ATP13A5: variants seen among roughly 807,000 people sequenced by gnomAD.
ATP13A5 encodes the protein probable cation-transporting ATPase 13A5.
In ATP13A5, 149 loss-of-function variants were observed where a neutral mutation model predicts 150.2. The observed-to-expected ratio is 0.99, with a 90% CI of 0.87 to 1.14. The LOEUF is 1.14. ATP13A5 is among the 50% of genes most tolerant of loss of function. ATP13A5 has a pLI of 0.00. For synonymous variants in ATP13A5, 497 were observed against 522.2 expected (o/e 0.95, Z 0.66); for missense variants, 1,383 against 1,449.3 (o/e 0.95, Z 0.74).
At chr3:193,293,811 A>T (rs1259371075) in intron 25 of ATP13A5, among the ~76,000 whole-genome samples, 1 of 152,094 alleles carries the variant, frequency 6.6e-6, no homozygotes. Flanking sequence ...GGGGACCAAG[A>T]CCCAGAAAAG....
At chr3:193,332,270 A>G (rs1160942585) in intron 11 of ATP13A5, among the ~76,000 whole-genome samples, 3 of 152,156 alleles carry the variant, frequency 2.0e-5, no homozygotes, top group African/African-American at 7.2e-5. Flanking sequence ...TTGCCTTCCA[A>G]CCATGACTGT....
chr3:193,350,212 G>A (rs923589592), intron 7 of ATP13A5, among the ~76,000 whole-genome samples: 13 of 151,592 alleles, frequency 8.6e-5, no homozygotes, highest in Admixed American at 5.3e-4. Context: ...ATATAAGCTG[G>A]TATATATATA....
chr3:193,373,068 C>T (rs989893010), intron 1 of ATP13A5, among the ~76,000 whole-genome samples: 4 of 152,056 alleles, frequency 2.6e-5, no homozygotes, highest in Non-Finnish European at 4.4e-5. Flanking sequence ...TATTGGAGGA[C>T]AACCTTGTGT....
intron 5 of ATP13A5, among the ~76,000 whole-genome samples, chr3:193,354,574 A>C (rs1264954807): frequency 6.6e-6 from 1 of 151,710 alleles, no homozygotes; most frequent in Non-Finnish European, 1.5e-5. Context: ...TTGATGCTAG[A>C]AGTCATATCT....
At chr3:193,337,081 GTTGT>G (rs1238615194) in intron 9 of ATP13A5, among the ~76,000 whole-genome samples, 3 of 152,230 alleles carry the variant, frequency 2.0e-5, no homozygotes, top group South Asian at 4.1e-4. Context: ...TTTTGATGGG[GTTGT>G]TTGTTTTTTT....
At chr3:193,299,274 CT>C in intron 24 of ATP13A5, 71 bp from the exon 25 acceptor site, 1 of 1,231,284 alleles carries the variant, frequency 8.1e-7, no homozygotes, top group Non-Finnish European at 1.2e-6. Context: ...TCCCTACACT[CT>C]TTTTAAGTCG....
intron 25 of ATP13A5, 23 bp from the exon 26 acceptor site, chr3:193,290,082 TC>T (rs753820268): frequency 6.3e-7 from 1 of 1,578,990 alleles, no homozygotes; most frequent in African/African-American, 1.4e-5. Flanking sequence ...TACATTTTTT[TC>T]CTATTACAAT....
At chr3:193,336,367 C>T (rs1263088256) in intron 9 of ATP13A5, among the ~76,000 whole-genome samples, 1 of 152,098 alleles carries the variant, frequency 6.6e-6, no homozygotes, top group Non-Finnish European at 1.5e-5. Flanking sequence ...AGGTGTATCT[C>T]CTAATGCTAT....
intron 12 of ATP13A5, among the ~76,000 whole-genome samples, chr3:193,330,218 C>T (rs971442412): frequency 6.6e-6 from 1 of 152,178 alleles, no homozygotes; most frequent in Non-Finnish European, 1.5e-5. Context: ...GTGCCCCGCG[C>T]TTTCCTCAGG....
At chr3:193,347,374 A>C (rs1256804426) in intron 7 of ATP13A5, among the ~76,000 whole-genome samples, 6 of 132,146 alleles carry the variant, frequency 4.5e-5, no homozygotes, top group African/African-American at 1.8e-4. Context: ...AAAAATGTTA[A>C]AGTAATCTTT....
chr3:193,348,617 G>T (rs1489137202), intron 7 of ATP13A5, among the ~76,000 whole-genome samples: 1 of 152,080 alleles, frequency 6.6e-6, no homozygotes, highest in Non-Finnish European at 1.5e-5. Context: ...ATGATTTGGG[G>T]CCCCAGTAGA....
intron 26 of ATP13A5, among the ~76,000 whole-genome samples, chr3:193,285,839 C>T (rs1432723439): frequency 2.0e-5 from 3 of 152,156 alleles, no homozygotes; most frequent in African/African-American, 4.8e-5. Flanking sequence ...GCAAGTGGTA[C>T]TAGTGCCCAC....
chr3:193,332,703 C>G (rs1439902345), intron 11 of ATP13A5, among the ~76,000 whole-genome samples: 1 of 152,164 alleles, frequency 6.6e-6, no homozygotes. Flanking sequence ...CCTAAGGACT[C>G]AGCCTTGTCT....
chr3:193,357,764 G>C (rs1402899404), intron 5 of ATP13A5, among the ~76,000 whole-genome samples: 1 of 152,200 alleles, frequency 6.6e-6, no homozygotes, highest in African/African-American at 2.4e-5. Flanking sequence ...CTCTCCAGAA[G>C]TTGAACAATT....
At chr3:193,363,194 C>T in intron 3 of ATP13A5, 42 bp downstream of exon 3, 2 of 1,560,134 alleles carry the variant, frequency 1.3e-6, no homozygotes, top group East Asian at 2.3e-5. Context: ...TTTATGCTTT[C>T]TCTGTAAACA....
intron 10 of ATP13A5, 132 bp from the exon 11 acceptor site, chr3:193,334,039 C>T: frequency 4.9e-6 from 4 of 815,506 alleles, no homozygotes; most frequent in Non-Finnish European, 5.5e-6. Context: ...TATAAGTTTT[C>T]AGGTGGTTTT....
chr3:193,326,452 GCTTT>G (rs893688874), intron 13 of ATP13A5, among the ~76,000 whole-genome samples: 22 of 152,264 alleles, frequency 1.4e-4, no homozygotes, highest in Non-Finnish European at 2.8e-4. Context: ...CCTTCAGGTG[GCTTT>G]CTTTGATTCA....
chr3:193,371,713 C>T (rs1227756514), intron 1 of ATP13A5, among the ~76,000 whole-genome samples: 2 of 152,180 alleles, frequency 1.3e-5, no homozygotes, highest in African/African-American at 4.8e-5. Flanking sequence ...AACGTAGAAC[C>T]TCCCTTGCAT....
Position 193,289,919 on chromosome 3 carries a change from G to A in ATP13A5, c.2989C>T (p.Gln997Ter). ...VQISAFLYVK[Q>*]QPWYCEVYQY... ...TAGACCTCACAATACCAAGGCTGCT[G>A]CTTCACATAGAGAAATGCACTGATC... Residue 997 changes from glutamine to a stop codon, truncating the protein, a stop_gained, in exon 26 of 30, where the codon CAG (glutamine) becomes TAG (stop). Transcript: ENST00000342358. LOFTEE classifies it high-confidence loss of function. The A allele has an allele frequency of 6.2e-7, 1 of 1,611,084 alleles. No individual in the cohort carries two copies. Among genetic ancestry groups the A allele is most frequent in the East Asian group, 2.2e-5 (1 of 44,746 alleles).
Sources: gnomAD v4.1 joint callset for allele counts (sites outside exome capture counted in the v4.1 genomes callset) on GRCh38, gnomAD v4.1.1 for gene constraint, MANE v1.5 for transcripts, NCBI Gene and HGNC (gene_info 2026-07-23, HGNC 2026-07-21) for gene names.